Variants in DBT observed in about 807,000 individuals in gnomAD.
The protein encoded by DBT is dihydrolipoamide branched chain transacylase E2.
Under a neutral mutation model 51.3 loss-of-function variants are expected in DBT, and 40 were observed. That is an observed-to-expected ratio of 0.78 (90% CI 0.61 to 1.02). DBT has a LOEUF of 1.02. Among genes scored for constraint, DBT ranks in the 50% least tolerant of loss-of-function variants. The pLI is 0.00. For missense variants in DBT, 510 were observed against 580.2 expected, an observed-to-expected ratio of 0.88 and a Z score of 1.24; for synonymous variants, 181 against 190.4, an observed-to-expected ratio of 0.95 and a Z score of 0.41.
intron 10 of DBT, among the ~76,000 whole-genome samples, chr1:100,203,320 A>C (rs1661563923): frequency 6.6e-6 from 1 of 152,202 alleles, no homozygotes; most frequent in Non-Finnish European, 1.5e-5. Flanking sequence ...TCCTATAAAC[A>C]CCTCTTCACA....
chr1:100,213,631 G>C, intron 7 of DBT: 5 of 1,608,044 alleles, frequency 3.1e-6, no homozygotes, highest in Admixed American at 1.7e-5. Context: ...TTGCCTTGAG[G>C]GAGCGAAGAT....
rs766961778 is a variant in DBT, at chr1:100,210,723, C to T, written c.988G>A (p.Asp330Asn). 9 of 1,613,178 alleles carry T rather than the reference C, an allele frequency of 5.6e-6. No individual in the cohort carries two copies. The African/African-American group carries it at 8.0e-5, about 14-fold the overall frequency. Reference protein sequence around the residue: ...LQFPILNASVDENCQNITYKA... With the variant: ...LQFPILNASVNENCQNITYKA... ...TATGTTATATTCTGGCAGTTTTCAT[C>T]CACAGAAGCGTTAAGGATAGGAAAC... Residue 330 changes from aspartate (D) to asparagine (N), a missense_variant, in exon 8 of 11, where the codon GAT becomes AAT. Physicochemically the swap from Asp to Asn is conservative, Grantham distance 23. Coordinates refer to ENST00000370132, the MANE Select transcript of DBT (RefSeq NM_001918.5).
At position 100,206,636 on chromosome 1, in the gene DBT, C is replaced by T. The variant is rs1226499040; in HGVS notation, c.1018G>A (p.Ala340Thr). 3 of 1,594,448 alleles carry T rather than the reference C, an allele frequency of 1.9e-6. No individual in the cohort carries two copies. Among genetic ancestry groups the T allele is most frequent in the Admixed American group, 3.3e-5 (2 of 59,932 alleles). ...ATTGCTATCCCAATGTTATGAGAAG[C>T]CTAAAAAATAAAAAATTGTACAGTA... ...DENCQNITYK[A>T]SHNIGIAMDT... The change falls in exon 9 of 11, where the codon GCT becomes ACT. Residue 340 changes from alanine (A) to threonine (T), a missense_variant and splice_region_variant. Ala to Thr is a moderately conservative substitution (Grantham distance 58, BLOSUM62 0). Transcript: ENST00000370132.
intron 3 of DBT, among the ~76,000 whole-genome samples, chr1:100,233,989 G>T (rs1050662462): frequency 1.3e-5 from 2 of 152,190 alleles, no homozygotes; most frequent in African/African-American, 4.8e-5. Context: ...AAAGTACATT[G>T]ATTTATCACG....
At chr1:100,212,209 A>G (rs1026724292) in intron 7 of DBT, among the ~76,000 whole-genome samples, 38 of 152,240 alleles carry the variant, frequency 2.5e-4, no homozygotes, top group African/African-American at 9.2e-4. Context: ...AGAAAATACA[A>G]GGTATGTGTC....
At chr1:100,238,876 T>C (rs1202589871) in intron 2 of DBT, among the ~76,000 whole-genome samples, 1 of 152,052 alleles carries the variant, frequency 6.6e-6, no homozygotes, top group African/African-American at 2.4e-5. Context: ...GGCATGTGTG[T>C]AGATGTAGTA....
intron 4 of DBT, among the ~76,000 whole-genome samples, chr1:100,225,826 C>CAAAAAAA (rs71084809): frequency 2.3e-4 from 20 of 86,750 alleles, no homozygotes; most frequent in Admixed American, 8.1e-4. Context: ...CTCCATCTCA[C>CAAAAAAA]AAAAAAAAAA....
chr1:100,237,666 T>C (rs558950938), intron 2 of DBT, among the ~76,000 whole-genome samples: 4 of 152,026 alleles, frequency 2.6e-5, no homozygotes, highest in Non-Finnish European at 5.9e-5. Context: ...AGAGACAGGG[T>C]CTCACTCTGT....
chr1:100,242,911 C>T (rs200700486), intron 1 of DBT, among the ~76,000 whole-genome samples: 2 of 143,302 alleles, frequency 1.4e-5, no homozygotes, highest in South Asian at 2.2e-4. Context: ...ATTCATGGGT[C>T]GGGGCAGCAT....
intron 5 of DBT, among the ~76,000 whole-genome samples, chr1:100,217,418 CA>C (rs1235566616): frequency 1.3e-5 from 2 of 152,144 alleles, no homozygotes; most frequent in Non-Finnish European, 2.9e-5. Flanking sequence ...TTAAGGGTTA[CA>C]TAACATTTTA....
At chr1:100,225,248 C>A (rs1663121689) in intron 4 of DBT, among the ~76,000 whole-genome samples, 1 of 151,790 alleles carries the variant, frequency 6.6e-6, no homozygotes, top group Non-Finnish European at 1.5e-5. Flanking sequence ...TGTCACCAGG[C>A]AACCACTCGT....
chr1:100,224,036 C>T (rs995340269), intron 4 of DBT, among the ~76,000 whole-genome samples: 8 of 152,034 alleles, frequency 5.3e-5, no homozygotes, highest in African/African-American at 1.9e-4. Context: ...TTATCATGAC[C>T]CTCTAGCTTT....
chr1:100,227,587 TC>T (rs997111477), intron 4 of DBT, among the ~76,000 whole-genome samples: 2 of 152,170 alleles, frequency 1.3e-5, no homozygotes, highest in African/African-American at 4.8e-5. Flanking sequence ...TTATTTAGTG[TC>T]AAAGCTAACA....
At chr1:100,198,707 A>G (rs1661247245) in intron 10 of DBT, among the ~76,000 whole-genome samples, 1 of 152,208 alleles carries the variant, frequency 6.6e-6, no homozygotes, top group Non-Finnish European at 1.5e-5. Context: ...ATTTGGAAAT[A>G]GTGACATACT....
intron 10 of DBT, among the ~76,000 whole-genome samples, chr1:100,202,808 A>C (rs1010802380): frequency 2.0e-5 from 3 of 152,252 alleles, no homozygotes; most frequent in African/African-American, 7.2e-5. Context: ...TGGAAACTAA[A>C]TAACTTGCTC....
At chr1:100,223,492 G>A (rs1356135155) in intron 4 of DBT, among the ~76,000 whole-genome samples, 1 of 152,066 alleles carries the variant, frequency 6.6e-6, no homozygotes, top group Non-Finnish European at 1.5e-5. Flanking sequence ...TAAGAAACTG[G>A]GTCTTGCTCT....
At chr1:100,242,254 T>C (rs1434767706) in intron 1 of DBT, among the ~76,000 whole-genome samples, 1 of 152,142 alleles carries the variant, frequency 6.6e-6, no homozygotes, top group East Asian at 1.9e-4. Flanking sequence ...TCTTAACTTT[T>C]AAAGGCTATG....
chr1:100,249,801 A>T lies in DBT; in HGVS notation c.20T>A (p.Leu7Gln). 1 of 1,614,204 alleles carries T rather than the reference A, an allele frequency of 6.2e-7. No individual in the cohort carries two copies. The change falls in exon 1 of 11, where the codon CTG becomes CAG. Residue 7 changes from leucine to glutamine, a missense_variant. Coordinates refer to ENST00000370132, the MANE Select transcript of DBT (RefSeq NM_001918.5). ...CCCCGCATTCCTGCTCCAGGTTCTCAGCATACGGACTGCAGCCATCTTACC... is the reference window on the plus strand; with the variant it reads ...CCCCGCATTCCTGCTCCAGGTTCTCTGCATACGGACTGCAGCCATCTTACC... MAAVRM[L>Q]RTWSRNAGKL...
chr1:100,191,297 T>G lies in DBT; in HGVS notation c.*4958A>C, dbSNP rs1441046295. ...ATTATTTCTCAAATTAACATTGAAC[T>G]TAAACTGGGAAGAAAATACAAATGT... On this transcript the variant is annotated 3_prime_UTR_variant, in exon 11 of 11. Coordinates refer to ENST00000370132, the MANE Select transcript of DBT (RefSeq NM_001918.5). 1 of 152,200 alleles carries G rather than the reference T, an allele frequency of 6.6e-6. No homozygotes were observed. Among genetic ancestry groups the G allele is most frequent in the Non-Finnish European group, 1.5e-5 (1 of 68,044 alleles). The allele number at this position is 152,200 out of a possible 1,614,324, so 9.4% of individuals were successfully genotyped here.
Sources: allele counts gnomAD v4.1 joint callset (sites outside exome capture counted in the v4.1 genomes callset), GRCh38; gene constraint gnomAD v4.1.1; transcripts MANE v1.5; gene names NCBI Gene and HGNC (gene_info 2026-07-23, HGNC 2026-07-21).